GNAQ: variants seen among roughly 807,000 people sequenced by gnomAD.
GNAQ encodes guanine nucleotide-binding protein G(q) subunit alpha.
In GNAQ, 8 loss-of-function variants were observed where a neutral mutation model predicts 43.9. The observed-to-expected ratio is 0.18, with a 90% CI of 0.11 to 0.33. GNAQ has a LOEUF of 0.33. Ranked by LOEUF, GNAQ falls within the 10% of genes least tolerant of loss-of-function variation. GNAQ has a pLI of 1.00. For synonymous variants in GNAQ, 155 were observed against 170.7 expected (o/e 0.91, Z 0.71); for missense variants, 158 against 450.8 (o/e 0.35, Z 5.88).
At chr9:77,750,525 T>C (rs750090805) in intron 5 of GNAQ, among the ~76,000 whole-genome samples, 4 of 152,200 alleles carry the variant, frequency 2.6e-5, no homozygotes, top group Non-Finnish European at 5.9e-5. Flanking sequence ...ATTTTCAAGA[T>C]GGTATACAGA....
chr9:77,908,529 C>G (rs1248769264), intron 2 of GNAQ, among the ~76,000 whole-genome samples: 1 of 152,208 alleles, frequency 6.6e-6, no homozygotes, highest in East Asian at 1.9e-4. Context: ...TTAGTAGACA[C>G]TGACTATGTT....
intron 5 of GNAQ, among the ~76,000 whole-genome samples, chr9:77,761,218 T>G: frequency 7.9e-6 from 1 of 126,026 alleles, no homozygotes; most frequent in African/African-American, 3.1e-5. Context: ...CAGCTGCCCC[T>G]ACTGGGAAGT....
At chr9:77,913,367 C>T (rs897432159) in intron 2 of GNAQ, among the ~76,000 whole-genome samples, 1 of 151,402 alleles carries the variant, frequency 6.6e-6, no homozygotes, top group Non-Finnish European at 1.5e-5. Context: ...CTGTCCAGTA[C>T]AGTAGCTGCT....
At chr9:77,911,011 A>G (rs940396021) in intron 2 of GNAQ, among the ~76,000 whole-genome samples, 4 of 152,238 alleles carry the variant, frequency 2.6e-5, no homozygotes, top group Non-Finnish European at 4.4e-5. Flanking sequence ...GAGTAGAACC[A>G]TATGTCAAAT....
chr9:77,910,414 A>C (rs573544443), intron 2 of GNAQ, among the ~76,000 whole-genome samples: 34 of 152,350 alleles, frequency 2.2e-4, no homozygotes, highest in Admixed American at 3.9e-4. Context: ...TATTCATCTG[A>C]TGCTTTGCCA....
chr9:77,924,047 C>T (rs1045148904), intron 1 of GNAQ, among the ~76,000 whole-genome samples: 1 of 152,066 alleles, frequency 6.6e-6, no homozygotes, highest in South Asian at 2.1e-4. Flanking sequence ...TATTTCTAGC[C>T]ACAGAGTCCT....
At chr9:78,024,641 TAA>T (rs1823954818) in intron 1 of GNAQ, among the ~76,000 whole-genome samples, 1 of 152,204 alleles carries the variant, frequency 6.6e-6, no homozygotes, top group Non-Finnish European at 1.5e-5. Context: ...CCAGGAAGGA[TAA>T]AGTCAGAAGG....
chr9:77,889,030 T>C (rs879860681), intron 2 of GNAQ, among the ~76,000 whole-genome samples: 1 of 152,120 alleles, frequency 6.6e-6, no homozygotes, highest in African/African-American at 2.4e-5. Context: ...GCACCATATA[T>C]CATCTTTTAA....
chr9:77,727,912 G>A (rs1825423112), intron 6 of GNAQ, among the ~76,000 whole-genome samples: 1 of 152,200 alleles, frequency 6.6e-6, no homozygotes, highest in Admixed American at 6.5e-5. Context: ...GGGAGACACA[G>A]AGGGGACTAT....
At chr9:78,010,488 G>A (rs190998861) in intron 1 of GNAQ, among the ~76,000 whole-genome samples, 31 of 152,206 alleles carry the variant, frequency 2.0e-4, no homozygotes, top group Admixed American at 1.3e-3. Flanking sequence ...TGTCACAGAC[G>A]CCACTCAAGT....
chr9:77,760,722 G>A (rs1289280275), intron 5 of GNAQ, among the ~76,000 whole-genome samples: 3 of 151,630 alleles, frequency 2.0e-5, no homozygotes, highest in Admixed American at 6.6e-5. Context: ...GGAAAGTGAG[G>A]AGCGTCTCTG....
chr9:77,842,856 A>C (rs554454563), intron 2 of GNAQ, among the ~76,000 whole-genome samples: 1 of 152,284 alleles, frequency 6.6e-6, no homozygotes, highest in South Asian at 2.1e-4. Flanking sequence ...AATTCTAGAT[A>C]CAATCTCAAT....
chr9:77,873,315 T>C (rs1245308125), intron 2 of GNAQ, among the ~76,000 whole-genome samples: 2 of 152,214 alleles, frequency 1.3e-5, no homozygotes, highest in Admixed American at 6.5e-5. Flanking sequence ...TTTATTATCA[T>C]TTTTTAGGCT....
intron 2 of GNAQ, among the ~76,000 whole-genome samples, chr9:77,871,454 T>C (rs1828037335): frequency 6.6e-6 from 1 of 152,224 alleles, no homozygotes; most frequent in Non-Finnish European, 1.5e-5. Flanking sequence ...TTTAAATTAC[T>C]CCTTGCTTCT....
intron 4 of GNAQ, among the ~76,000 whole-genome samples, chr9:77,795,134 T>C (rs1826637004): frequency 6.6e-6 from 1 of 152,160 alleles, no homozygotes; most frequent in Non-Finnish European, 1.5e-5. Flanking sequence ...GGTCGGCATG[T>C]TGGGCATTTT....
At chr9:77,730,265 G>A (rs889187501) in intron 5 of GNAQ, among the ~76,000 whole-genome samples, 1 of 152,198 alleles carries the variant, frequency 6.6e-6, no homozygotes, top group African/African-American at 2.4e-5. Context: ...ATACAAGGAA[G>A]TGAATGAGAA....
intron 3 of GNAQ, among the ~76,000 whole-genome samples, chr9:77,811,601 C>A (rs1352773205): frequency 2.0e-5 from 3 of 152,204 alleles, no homozygotes; most frequent in African/African-American, 4.8e-5. Flanking sequence ...AGTGATTACA[C>A]TGGAGAAACA....
chr9:77,902,163 TCA>T (rs1828626260), intron 2 of GNAQ, among the ~76,000 whole-genome samples: 1 of 152,240 alleles, frequency 6.6e-6, no homozygotes, highest in Non-Finnish European at 1.5e-5. Context: ...ACATTAAAAC[TCA>T]CTGGCTGATG....
At chr9:77,930,248 C>T (rs1829130195) in intron 1 of GNAQ, among the ~76,000 whole-genome samples, 1 of 152,172 alleles carries the variant, frequency 6.6e-6, no homozygotes, top group African/African-American at 2.4e-5. Flanking sequence ...ATTTGAGAGA[C>T]TGAACTAAAT....
Sources: allele counts gnomAD v4.1 joint callset (sites outside exome capture counted in the v4.1 genomes callset), GRCh38; gene constraint gnomAD v4.1.1; transcripts MANE v1.5; gene names NCBI Gene and HGNC (gene_info 2026-07-23, HGNC 2026-07-21).